LINGO2: variants seen among roughly 807,000 people sequenced by gnomAD.
LINGO2 encodes leucine rich repeat and Ig domain containing 2.
Under a neutral mutation model 30.6 loss-of-function variants are expected in LINGO2, and 14 were observed. That is an observed-to-expected ratio of 0.46 (90% CI 0.30 to 0.72). The LOEUF (loss-of-function observed/expected upper bound fraction) is 0.72. Among genes scored for constraint, LINGO2 ranks in the 30% least tolerant of loss-of-function variants. The pLI, the probability that LINGO2 is intolerant of heterozygous loss-of-function variation, is 0.07. For missense variants in LINGO2, 729 were observed against 751.7 expected, an observed-to-expected ratio of 0.97 and a Z score of 0.35; for synonymous variants, 317 against 288.5, an observed-to-expected ratio of 1.10 and a Z score of -1.00.
rs1392344413 is a variant in LINGO2, at chr9:28,561,747, GTGTA to G, written c.-364-85726_-364-85723del. Among the ~76,000 whole-genome samples, 33 of 35,846 alleles carry G rather than the reference GTGTA, an allele frequency of 9.2e-4. 3 individuals carry two copies. The highest frequency in any genetic ancestry group is 4.3e-3 in the African/African-American group (32 of 7,358). The allele number at this position is 35,846 out of a possible 152,430, so 23.5% of individuals were successfully genotyped here. A position where few individuals can be genotyped will look rare whatever the true frequency, so the allele number is the denominator to read the frequency against. ...ATTATATATAATTTTGTGTGTGTGTGTGTATATATATATATATATATATATATAT... is the reference window on the plus strand; with the variant it reads ...ATTATATATAATTTTGTGTGTGTGTGTATATATATATATATATATATATAT... On this transcript the variant is annotated intron_variant, in intron 1 of 5. Transcript: ENST00000379992.
At chr9:28,773,907 T>C in the LINGO2 span, among the ~76,000 whole-genome samples, 1 of 152,178 alleles carries the variant, frequency 6.6e-6, no homozygotes, top group Admixed American at 6.5e-5. Context: ...ATAAAGGAAA[T>C]TCAGTTTACC....
chr9:28,077,020 C>CT (rs1825643661), intron 4 of LINGO2, among the ~76,000 whole-genome samples: 1 of 152,006 alleles, frequency 6.6e-6, no homozygotes, highest in South Asian at 2.1e-4. Flanking sequence ...AGTAGGGGTA[C>CT]TTTTTACCAA....
chr9:28,749,814 T>A, the LINGO2 span, among the ~76,000 whole-genome samples: 1 of 152,002 alleles, frequency 6.6e-6, no homozygotes, highest in Non-Finnish European at 1.5e-5. Flanking sequence ...AGTGTCCTGA[T>A]AAAATAAAGC....
chr9:28,278,919 G>C (rs1178248064), intron 4 of LINGO2, among the ~76,000 whole-genome samples: 1 of 152,154 alleles, frequency 6.6e-6, no homozygotes, highest in African/African-American at 2.4e-5. Flanking sequence ...CACCATTCTA[G>C]ATGTCATAAA....
At chr9:28,373,625 C>T (rs186124833) in intron 2 of LINGO2, among the ~76,000 whole-genome samples, 5 of 152,140 alleles carry the variant, frequency 3.3e-5, no homozygotes, top group East Asian at 3.9e-4. Flanking sequence ...TCAGGCCGGG[C>T]GCAGTGGCTC....
At chr9:29,191,724 C>T in the LINGO2 span, among the ~76,000 whole-genome samples, 7 of 152,106 alleles carry the variant, frequency 4.6e-5, no homozygotes, top group African/African-American at 1.7e-4. Flanking sequence ...ATCTGCCATG[C>T]ATGTTTCGCT....
At chr9:28,518,436 G>A (rs1461486269) in intron 1 of LINGO2, among the ~76,000 whole-genome samples, 1 of 152,114 alleles carries the variant, frequency 6.6e-6, no homozygotes, top group African/African-American at 2.4e-5. Context: ...TCTGAAGTAT[G>A]TCATTTCAAC....
At chr9:29,111,280 T>C in the LINGO2 span, among the ~76,000 whole-genome samples, 35,698 of 152,008 alleles carry the variant, frequency 0.23, 4,330 homozygotes, top group East Asian at 0.41. Context: ...TTCAATATTC[T>C]CCTTGTCCAA....
At chr9:29,004,706 G>A in the LINGO2 span, among the ~76,000 whole-genome samples, 1 of 151,882 alleles carries the variant, frequency 6.6e-6, no homozygotes, top group Non-Finnish European at 1.5e-5. Context: ...ATTCCAGGCA[G>A]TTACTACTCT....
chr9:28,589,541 C>G lies in LINGO2; in HGVS notation c.-365+80659G>C, dbSNP rs544922262. ...CAGAGAGCCAAATCATCAGTGAACT[C>G]CCATTCACAATTGCTTCAAAGAGAA... On this transcript the variant is annotated intron_variant, in intron 1 of 5. Coordinates refer to ENST00000379992, the Ensembl canonical transcript of LINGO2. Among the ~76,000 whole-genome samples the G allele has an allele frequency of 5.9e-5, 9 of 152,184 alleles. No homozygotes were observed. In the East Asian group the frequency reaches 1.5e-3, roughly 26 times the overall value.
intron 5 of LINGO2, among the ~76,000 whole-genome samples, chr9:27,958,863 T>G (rs1312486416): frequency 1.3e-5 from 2 of 152,162 alleles, no homozygotes; most frequent in South Asian, 2.1e-4. Flanking sequence ...TATAGAATTT[T>G]TATTATTTAT....
At position 28,221,197 on chromosome 9, in the gene LINGO2, G is replaced by T. The variant is rs953157061; in HGVS notation, c.-87+74011C>A. Among the ~76,000 whole-genome samples, 32 of 150,608 alleles carry T rather than the reference G, an allele frequency of 2.1e-4. 1 individual carries two copies. The highest frequency in any genetic ancestry group is 5.9e-5 in the Non-Finnish European group (4 of 67,756). On this transcript the variant is annotated intron_variant, in intron 4 of 5. Transcript: ENST00000379992. ...GCCTGTAAGGTCCCAGCTACTTGGA[G>T]GCTGAGGCAGGAGAATGGCGTGAAC...
At chr9:29,102,445 T>C in the LINGO2 span, among the ~76,000 whole-genome samples, 2 of 152,178 alleles carry the variant, frequency 1.3e-5, no homozygotes, top group African/African-American at 4.8e-5. Context: ...AGAAACAGAA[T>C]AATGGGAGCT....
the LINGO2 span, among the ~76,000 whole-genome samples, chr9:28,959,335 A>G: frequency 6.6e-6 from 1 of 152,118 alleles, no homozygotes; most frequent in African/African-American, 2.4e-5. Flanking sequence ...AGATATAATA[A>G]TTGGGAAATA....
chr9:28,045,324 T>G (rs1454101945), intron 4 of LINGO2, among the ~76,000 whole-genome samples: 1 of 152,154 alleles, frequency 6.6e-6, no homozygotes. Flanking sequence ...CTTTGAGTAT[T>G]TTATAGACAG....
At chr9:27,973,374 T>C (rs1457183887) in intron 5 of LINGO2, among the ~76,000 whole-genome samples, 1 of 152,154 alleles carries the variant, frequency 6.6e-6, no homozygotes, top group Non-Finnish European at 1.5e-5. Flanking sequence ...ATCTTCACTG[T>C]TCATGAACAA....
intron 2 of LINGO2, among the ~76,000 whole-genome samples, chr9:28,428,715 T>A (rs1006644367): frequency 2.6e-5 from 4 of 152,132 alleles, no homozygotes; most frequent in Non-Finnish European, 4.4e-5. Flanking sequence ...GGTTATATGG[T>A]AGGTGCAGAA....
intron 4 of LINGO2, among the ~76,000 whole-genome samples, chr9:28,063,924 T>G (rs1825231780): frequency 6.6e-6 from 1 of 152,174 alleles, no homozygotes; most frequent in African/African-American, 2.4e-5. Flanking sequence ...CTTAAGTATT[T>G]GAGTTCTAGA....
chr9:28,313,574 A>T (rs1824714364), intron 3 of LINGO2, among the ~76,000 whole-genome samples: 1 of 152,170 alleles, frequency 6.6e-6, no homozygotes, highest in Non-Finnish European at 1.5e-5. Flanking sequence ...AATCATTGTC[A>T]TCCCTGTCTG....
Sources: allele counts gnomAD v4.1 joint callset (sites outside exome capture counted in the v4.1 genomes callset), GRCh38; gene constraint gnomAD v4.1.1; transcripts MANE v1.5; gene names NCBI Gene and HGNC (gene_info 2026-07-23, HGNC 2026-07-21).